MTOR: variants seen among roughly 807,000 people sequenced by gnomAD.
MTOR encodes the protein serine/threonine-protein kinase mTOR.
Under a neutral mutation model 319.8 loss-of-function variants are expected in MTOR, and 70 were observed. That is an observed-to-expected ratio of 0.22 (90% confidence interval 0.18 to 0.27). MTOR has a LOEUF of 0.27. MTOR is among the 10% of genes least tolerant of loss of function. The pLI, the probability that MTOR is intolerant of heterozygous loss-of-function variation, is 1.00. For synonymous variants in MTOR, 1,183 were observed against 1,211.4 expected, an observed-to-expected ratio of 0.98 and a Z score of 0.49; for missense variants, 1,890 against 3,274.4, an observed-to-expected ratio of 0.58 and a Z score of 10.32.
At chr1:11,256,860 A>G (rs566382487) in intron 4 of MTOR, 73 bp downstream of exon 4, 278 of 1,432,952 alleles carry the variant, frequency 1.9e-4, no homozygotes, top group Non-Finnish European at 2.5e-4. Context: ...TGAGCCTCAG[A>G]AGGAAGCAAA....
chr1:11,230,736 T>C (rs1335997552), intron 18 of MTOR, among the ~76,000 whole-genome samples, 189 bp downstream of exon 18: 1 of 152,168 alleles, frequency 6.6e-6, no homozygotes, highest in Non-Finnish European at 1.5e-5. Flanking sequence ...ATGAGGACTC[T>C]GGCCACAATG....
In MTOR at chr1:11,115,489, A is replaced by G; in HGVS notation, c.7017-21T>C. The G allele has an allele frequency of 6.2e-7, 1 of 1,607,728 alleles. No homozygotes were observed. On this transcript the variant is annotated intron_variant, in intron 50 of 57. Coordinates refer to ENST00000361445, the MANE Select transcript of MTOR (RefSeq NM_004958.4). The surrounding 1 kb of genome is among the most constrained non-coding windows in gnomAD (Gnocchi z 4.5). ...GGTGTCTTTGAGAAACAGAAGACAG[A>G]TCAGGGAGGGATCAACAGAGATAAC...
chr1:11,155,724 T>C (rs1446631478), intron 30 of MTOR, among the ~76,000 whole-genome samples: 1 of 152,242 alleles, frequency 6.6e-6, no homozygotes, highest in Admixed American at 6.5e-5. Context: ...CACAGCCCCC[T>C]GGGCTCCTTT....
chr1:11,150,898 C>T (rs2100540545), intron 30 of MTOR, among the ~76,000 whole-genome samples: 1 of 152,270 alleles, frequency 6.6e-6, no homozygotes, highest in East Asian at 1.9e-4. Context: ...TCTCATGTTT[C>T]GCTTCTCAGT....
At chr1:11,218,054 C>T (rs1370963367) in intron 19 of MTOR, among the ~76,000 whole-genome samples, 3 of 152,178 alleles carry the variant, frequency 2.0e-5, no homozygotes, top group Admixed American at 6.5e-5. Flanking sequence ...TACCTATCTC[C>T]TGGTCCCCAC....
At chr1:11,145,183 C>T (rs958386007) in intron 32 of MTOR, 138 bp from the exon 33 acceptor site, 6 of 726,036 alleles carry the variant, frequency 8.3e-6, no homozygotes, top group African/African-American at 7.1e-5. Context: ...TGAAGAAGGG[C>T]ATTTTCCCAG....
At chr1:11,143,696 G>A (rs1180817169) in intron 34 of MTOR, among the ~76,000 whole-genome samples, 3 of 152,188 alleles carry the variant, frequency 2.0e-5, no homozygotes, top group African/African-American at 2.4e-5. Flanking sequence ...GCAGCCTACT[G>A]AGACGCCTGG....
chr1:11,253,916 T>C lies in MTOR; in HGVS notation c.763A>G (p.Met255Val). 1 of 1,614,148 alleles carries C rather than the reference T, an allele frequency of 6.2e-7. No homozygotes were observed. Among genetic ancestry groups the C allele is most frequent in the Non-Finnish European group, 8.5e-7 (1 of 1,180,022 alleles). Residue 255 changes from methionine to valine, a missense_variant, in exon 6 of 58, where the codon ATG becomes GTG. Transcript: ENST00000361445. ...FDETLAKEKG[M>V]NRDDRIHGAL... is the part of the protein sequence containing the mutation. ...CCATGGATCCGATCATCCCGATTCA[T>C]GCCCTTCTCTTTGGCCAAGGTCTCA...
intron 29 of MTOR, among the ~76,000 whole-genome samples, chr1:11,157,733 C>T (rs1367971449): frequency 9.9e-5 from 15 of 152,190 alleles, no homozygotes; most frequent in Admixed American, 6.5e-5. Context: ...GGGATGGCAG[C>T]TGCTTTCCTG....
At position 11,199,269 on chromosome 1, in the gene MTOR, T is replaced by C. The variant is rs2100743904; in HGVS notation, c.4242A>G (p.Glu1414=). The change falls in exon 28 of 58, where the codon GAA becomes GAG. Residue 1414 remains glutamate, a synonymous_variant. Coordinates refer to ENST00000361445, the MANE Select transcript of MTOR (RefSeq NM_004958.4). The surrounding 1 kb of genome is among the most constrained non-coding windows in gnomAD (Gnocchi z 4.5). ...FQKGPTPAIL[E]SLISINNKLQ... ...GGTTTATGGCCTACCTGATGAGAGA[T>C]TCTAGAATGGCAGGGGTGGGGCCTT... 21 of 1,614,106 alleles carry C rather than the reference T, an allele frequency of 1.3e-5. No homozygotes were observed. Among genetic ancestry groups the C allele is most frequent in the Non-Finnish European group, 1.7e-5 (20 of 1,179,996 alleles).
Position 11,121,969 on chromosome 1 carries a change from C to T in MTOR, c.6810+10G>A, listed in dbSNP as rs1232994099. ...GAAGGGGCACTAGCTCTCGTGGCCGCATCACATACCCGCAACATGATGCGA... is the reference window on the plus strand; with the variant it reads ...GAAGGGGCACTAGCTCTCGTGGCCGTATCACATACCCGCAACATGATGCGA... On this transcript the variant is annotated intron_variant, in intron 48 of 57. Coordinates refer to ENST00000361445, the MANE Select transcript of MTOR (RefSeq NM_004958.4). This position sits in a 1 kb window ranked among gnomAD's most constrained non-coding sequence, Gnocchi z 4.9. 1.2e-6 allele frequency: 2 copies of T among 1,613,746 alleles called. No individual in the cohort carries two copies. The highest frequency in any genetic ancestry group is 2.2e-5 in the South Asian group (2 of 91,002).
At chr1:11,229,507 G>C (rs989594233) in intron 18 of MTOR, among the ~76,000 whole-genome samples, 1 of 152,148 alleles carries the variant, frequency 6.6e-6, no homozygotes, top group African/African-American at 2.4e-5. Context: ...GAATAAGGAA[G>C]AACACCAGGA....
chr1:11,194,147 T>A (rs1645679138), intron 28 of MTOR, among the ~76,000 whole-genome samples: 1 of 152,188 alleles, frequency 6.6e-6, no homozygotes, highest in South Asian at 2.1e-4. Flanking sequence ...ACTCACTATA[T>A]CCTCATGTTT....
At chr1:11,124,997 G>C (rs1005090157) in intron 46 of MTOR, among the ~76,000 whole-genome samples, 3 of 151,038 alleles carry the variant, frequency 2.0e-5, no homozygotes, top group African/African-American at 7.4e-5. Context: ...AATGGTGGAA[G>C]GGTACTGGCA....
chr1:11,239,343 T>C (rs149268702), intron 11 of MTOR, among the ~76,000 whole-genome samples: 1,708 of 152,268 alleles, frequency 0.011, 68 homozygotes, highest in South Asian at 0.065. Context: ...GGTTTAAACA[T>C]AGCTACTTTC....
At chr1:11,176,233 T>G (rs370835941) in intron 28 of MTOR, among the ~76,000 whole-genome samples, 1 of 152,190 alleles carries the variant, frequency 6.6e-6, no homozygotes, top group African/African-American at 2.4e-5. Context: ...TCTGGACAGA[T>G]GCTGAGTCCA....
intron 19 of MTOR, among the ~76,000 whole-genome samples, chr1:11,224,397 T>G (rs11121700): frequency 0.059 from 9,019 of 152,238 alleles, 377 homozygotes; most frequent in South Asian, 0.12. Flanking sequence ...AAAATTTGCA[T>G]GCATCTAGTA....
At position 11,127,587 on chromosome 1, in the gene MTOR, T is replaced by G. The variant is rs1031199649; in HGVS notation, c.6216+37A>C. The G allele has an allele frequency of 3.9e-5, 60 of 1,550,164 alleles. No homozygotes were observed. Among genetic ancestry groups the G allele is most frequent in the Non-Finnish European group, 4.7e-5 (54 of 1,150,380 alleles). On this transcript the variant is annotated intron_variant, in intron 44 of 57. Transcript: ENST00000361445. This position sits in a 1 kb window ranked among gnomAD's most constrained non-coding sequence, Gnocchi z 5.5. ...TTTTTTTTTAGTGGCAGAATATTTC[T>G]ACAGGGTTATGTCCTTTCGTGTTTT...
chr1:11,155,990 T>G (rs549619309), intron 30 of MTOR, among the ~76,000 whole-genome samples: 1 of 151,176 alleles, frequency 6.6e-6, no homozygotes, highest in African/African-American at 2.5e-5. Flanking sequence ...ATTTTTTATT[T>G]ATTTTTATTT....
Sources: gnomAD v4.1 joint callset for allele counts (sites outside exome capture counted in the v4.1 genomes callset) on GRCh38, gnomAD v4.1.1 for gene constraint, Gnocchi (gnomAD v3.1) non-coding constraint, MANE v1.5 for transcripts, NCBI Gene and HGNC (gene_info 2026-07-23, HGNC 2026-07-21) for gene names.